The following RNGTT variants were observed in gnomAD, a reference collection of about 807,000 sequenced individuals.
RNGTT encodes mRNA-capping enzyme.
A neutral mutation model predicts 79.3 loss-of-function variants in RNGTT; 33 were observed. That is an observed-to-expected ratio of 0.42 (90% CI 0.32 to 0.56). The LOEUF (loss-of-function observed/expected upper bound fraction) is 0.56. Among genes scored for constraint, RNGTT ranks in the 20% least tolerant of loss-of-function variants. RNGTT has a pLI of 0.17. For missense variants in RNGTT, 497 were observed against 739.1 expected (o/e 0.67, Z 3.80); for synonymous variants, 222 against 235.9 (o/e 0.94, Z 0.54).
At chr6:88,830,164 C>T (rs1279129654) in intron 11 of RNGTT, among the ~76,000 whole-genome samples, 2 of 152,054 alleles carry the variant, frequency 1.3e-5, no homozygotes, top group Non-Finnish European at 2.9e-5. Flanking sequence ...TCAGCAAATG[C>T]AAAAGAACAG....
At chr6:88,795,359 G>A (rs1017141928) in intron 12 of RNGTT, among the ~76,000 whole-genome samples, 2 of 152,090 alleles carry the variant, frequency 1.3e-5, no homozygotes, top group African/African-American at 4.8e-5. Flanking sequence ...GCATTTCACC[G>A]TTACAGAAAC....
At chr6:88,821,057 C>T (rs1026458362) in intron 11 of RNGTT, among the ~76,000 whole-genome samples, 5 of 152,060 alleles carry the variant, frequency 3.3e-5, no homozygotes, top group African/African-American at 1.2e-4. Flanking sequence ...TCAAAATTTA[C>T]TATACAGCTA....
chr6:88,664,573 A>C (rs901354511), intron 14 of RNGTT, among the ~76,000 whole-genome samples: 2 of 152,196 alleles, frequency 1.3e-5, no homozygotes, highest in Non-Finnish European at 2.9e-5. Flanking sequence ...TCCCCCTGAA[A>C]GGACAAGGGA....
intron 6 of RNGTT, among the ~76,000 whole-genome samples, chr6:88,898,887 G>A (rs72909793): frequency 0.015 from 2,184 of 149,240 alleles, 27 homozygotes; most frequent in Middle Eastern, 0.035. Flanking sequence ...TCATCTTTAA[G>A]TCATCTGTGT....
intron 12 of RNGTT, among the ~76,000 whole-genome samples, chr6:88,786,384 T>C (rs1779230314): frequency 6.6e-6 from 1 of 152,198 alleles, no homozygotes; most frequent in South Asian, 2.1e-4. Context: ...AACAATCTAA[T>C]AGCTATCATG....
chr6:88,861,339 C>T (rs1782007070), intron 8 of RNGTT, among the ~76,000 whole-genome samples: 1 of 152,148 alleles, frequency 6.6e-6, no homozygotes, highest in South Asian at 2.1e-4. Flanking sequence ...CTCACCAACA[C>T]CTGTCATGTG....
chr6:88,616,716 C>A (rs561456406), intron 14 of RNGTT, among the ~76,000 whole-genome samples: 154 of 152,204 alleles, frequency 1.0e-3, no homozygotes, highest in African/African-American at 3.4e-3. Context: ...ATACAAGAAA[C>A]TTTGTCAATT....
intron 11 of RNGTT, 82 bp downstream of exon 11, chr6:88,844,275 A>T: frequency 4.5e-6 from 6 of 1,336,784 alleles, no homozygotes; most frequent in Non-Finnish European, 6.2e-6. Context: ...ACAACTGGGC[A>T]GCAAAATGTC....
intron 13 of RNGTT, among the ~76,000 whole-genome samples, chr6:88,678,880 G>A (rs1774983533): frequency 6.6e-6 from 1 of 152,006 alleles, no homozygotes; most frequent in African/African-American, 2.4e-5. Flanking sequence ...ATTACAGAGG[G>A]CCCTTGAATA....
chr6:88,666,766 A>G (rs1227285187), intron 14 of RNGTT, among the ~76,000 whole-genome samples: 1 of 152,280 alleles, frequency 6.6e-6, no homozygotes, highest in East Asian at 1.9e-4. Flanking sequence ...TGCAGTGGTA[A>G]ACCTTGGACA....
intron 12 of RNGTT, among the ~76,000 whole-genome samples, chr6:88,773,524 A>G (rs1413012831): frequency 6.6e-6 from 1 of 151,850 alleles, no homozygotes; most frequent in Non-Finnish European, 1.5e-5. Context: ...TTGAAAAAAG[A>G]AAAGAATTGA....
chr6:88,710,463 T>C (rs189590289), intron 13 of RNGTT, among the ~76,000 whole-genome samples: 1 of 152,224 alleles, frequency 6.6e-6, no homozygotes, highest in African/African-American at 2.4e-5. Flanking sequence ...GATATCTGCA[T>C]TAAAATGGTT....
chr6:88,851,761 A>G (rs1043301006), intron 9 of RNGTT, among the ~76,000 whole-genome samples: 4 of 152,050 alleles, frequency 2.6e-5, no homozygotes, highest in Non-Finnish European at 4.4e-5. Flanking sequence ...ATGTAGAAGA[A>G]ACAGGAAACT....
At chr6:88,810,283 C>G (rs1415299178) in intron 11 of RNGTT, among the ~76,000 whole-genome samples, 2 of 152,154 alleles carry the variant, frequency 1.3e-5, no homozygotes, top group South Asian at 2.1e-4. Context: ...CCATAGCTCA[C>G]TGGATGGTGA....
rs561339517 is a variant in RNGTT, at chr6:88,803,277, T to C, written c.1270-1645A>G. Among the ~76,000 whole-genome samples the C allele has an allele frequency of 2.0e-5, 3 of 152,082 alleles. No homozygotes were observed. The East Asian group carries it at 5.8e-4, about 29-fold the overall frequency. On this transcript the variant is annotated intron_variant, in intron 11 of 15. Transcript: ENST00000369485. The stretch of plus-strand genomic sequence containing the variant: ...GGTAGTCTTTAATGAGTTTCAGTTT[T>C]GAAAGATGAAAAAGTTGGCTGGGCA...
intron 14 of RNGTT, among the ~76,000 whole-genome samples, chr6:88,620,200 G>A (rs971873871): frequency 6.6e-6 from 1 of 152,174 alleles, no homozygotes; most frequent in Non-Finnish European, 1.5e-5. Flanking sequence ...TTCATGAATG[G>A]TGGTGTCTTC....
chr6:88,630,078 G>A (rs946828794), intron 14 of RNGTT, among the ~76,000 whole-genome samples: 1 of 152,188 alleles, frequency 6.6e-6, no homozygotes, highest in African/African-American at 2.4e-5. Flanking sequence ...GGTTTCCACT[G>A]TGGTAGACTG....
intron 2 of RNGTT, among the ~76,000 whole-genome samples, chr6:88,939,782 A>G (rs1393258623): frequency 6.7e-6 from 1 of 148,846 alleles, no homozygotes; most frequent in East Asian, 2.0e-4. Context: ...TTTTTTTGAG[A>G]CACGGTCACA....
chr6:88,889,452 G>A (rs1395507163), intron 8 of RNGTT, among the ~76,000 whole-genome samples: 1 of 152,082 alleles, frequency 6.6e-6, no homozygotes, highest in Non-Finnish European at 1.5e-5. Context: ...AAATGGAGAT[G>A]GAGATGGCAT....
Sources: gnomAD v4.1 joint callset for allele counts (sites outside exome capture counted in the v4.1 genomes callset) on GRCh38, gnomAD v4.1.1 for gene constraint, MANE v1.5 for transcripts, NCBI Gene and HGNC (gene_info 2026-07-23, HGNC 2026-07-21) for gene names.